Variants in AOPEP observed in about 807,000 individuals in gnomAD.
AOPEP encodes aminopeptidase O (putative).
In AOPEP, 77 loss-of-function variants were observed where a neutral mutation model predicts 98.1. The observed-to-expected ratio is 0.78, with a 90% CI of 0.65 to 0.95. The LOEUF (loss-of-function observed/expected upper bound fraction) is 0.95. Among genes scored for constraint, AOPEP ranks in the 40% least tolerant of loss-of-function variants. The pLI is 0.00. For synonymous variants in AOPEP, 346 were observed against 365.3 expected (o/e 0.95, Z 0.60); for missense variants, 1,024 against 1,024.7 (o/e 1.00, Z 0.01).
chr9:95,025,149 A>T (rs1255962127), intron 13 of AOPEP, among the ~76,000 whole-genome samples: 2 of 152,208 alleles, frequency 1.3e-5, no homozygotes, highest in Non-Finnish European at 2.9e-5. Flanking sequence ...AAGATGGTCT[A>T]CAGTGCTCAC....
intron 3 of AOPEP, among the ~76,000 whole-genome samples, chr9:94,783,660 A>G (rs1843767883): frequency 6.6e-6 from 1 of 152,142 alleles, no homozygotes; most frequent in African/African-American, 2.4e-5. Flanking sequence ...CCTTTTCGTG[A>G]ATGTATTATA....
At chr9:95,016,237 C>G (rs1331847792) in intron 13 of AOPEP, among the ~76,000 whole-genome samples, 1 of 138,116 alleles carries the variant, frequency 7.2e-6, no homozygotes, top group Non-Finnish European at 1.5e-5. Context: ...AAGTTTCCTT[C>G]TCTTGTGATT....
At chr9:94,852,752 CATT>C (rs1320427068) in intron 5 of AOPEP, among the ~76,000 whole-genome samples, 2 of 152,190 alleles carry the variant, frequency 1.3e-5, no homozygotes, top group South Asian at 2.1e-4. Context: ...TCGTGTGAAT[CATT>C]ATTGTTGTAG....
chr9:94,822,009 A>ACACACACG (rs1554726861), intron 5 of AOPEP, among the ~76,000 whole-genome samples: 637 of 149,864 alleles, frequency 4.3e-3, no homozygotes, highest in African/African-American at 4.5e-3. Context: ...ACACACACAC[A>ACACACACG]CACGCAGGCA....
At chr9:94,800,297 T>G (rs150507866) in intron 4 of AOPEP, among the ~76,000 whole-genome samples, 1 of 152,354 alleles carries the variant, frequency 6.6e-6, no homozygotes, top group African/African-American at 2.4e-5. Context: ...AGTCCAAGTC[T>G]TTTATTCTAG....
the AOPEP span, chr9:95,111,415 G>GC: frequency 1.9e-6 from 3 of 1,599,748 alleles, no homozygotes; most frequent in Non-Finnish European, 1.7e-6. Flanking sequence ...GCTCCTCTCA[G>GC]CCCCCCAGAG....
At chr9:94,817,448 T>C (rs1295915374) in intron 5 of AOPEP, among the ~76,000 whole-genome samples, 2 of 152,318 alleles carry the variant, frequency 1.3e-5, no homozygotes, top group East Asian at 3.9e-4. Context: ...GTGCTTACAA[T>C]TGGCCAGCTC....
the AOPEP span, chr9:95,111,366 T>C: frequency 6.3e-7 from 1 of 1,597,690 alleles, no homozygotes; most frequent in Admixed American, 1.7e-5. Context: ...AGCTCAGGTG[T>C]CATGGAAGCC....
rs1401277079 is a variant in AOPEP at position 94,956,024 on chromosome 9, T to G, written c.1872+9T>G. The G allele has an allele frequency of 6.5e-7, 1 of 1,531,386 alleles. No individual in the cohort carries two copies. The highest frequency in any genetic ancestry group is 1.7e-4 in the Middle Eastern group (1 of 5,924). 94.9% of individuals were successfully genotyped at this position (1,531,386 alleles called of 1,614,324 possible). A position where few individuals can be genotyped will look rare whatever the true frequency, so the allele number is the denominator to read the frequency against. ...AGCTGATTCTTTCCCAGGTAACTTATGGGTCCTCATGAGTCCATGATGTAT... is the reference window on the plus strand; with the variant it reads ...AGCTGATTCTTTCCCAGGTAACTTAGGGGTCCTCATGAGTCCATGATGTAT... On this transcript the variant is annotated intron_variant, in intron 9 of 16. Transcript: ENST00000375315.
the AOPEP span, among the ~76,000 whole-genome samples, chr9:95,138,281 C>T: frequency 6.6e-6 from 1 of 152,212 alleles, no homozygotes; most frequent in African/African-American, 2.4e-5. Context: ...GGCCTGGGCT[C>T]AGCAGAACAG....
chr9:95,034,522 G>A (rs2064605097), intron 13 of AOPEP, among the ~76,000 whole-genome samples: 1 of 152,194 alleles, frequency 6.6e-6, no homozygotes, highest in African/African-American at 2.4e-5. Context: ...ATGACATGAG[G>A]GCTGAGGTTG....
Position 94,930,478 on chromosome 9 carries a change from C to T in AOPEP, c.1661+1947C>T, listed in dbSNP as rs16911841. Among the ~76,000 whole-genome samples, 1,302 of 152,200 alleles carry T rather than the reference C, an allele frequency of 8.6e-3. 19 individuals are homozygous for T. Among genetic ancestry groups the T allele is most frequent in the African/African-American group, 0.03 (1,238 of 41,514 alleles). On this transcript the variant is annotated intron_variant, in intron 7 of 16. Coordinates refer to ENST00000375315, the MANE Select transcript of AOPEP (RefSeq NM_001193329.3). This position sits in a 1 kb window ranked among gnomAD's most constrained non-coding sequence, Gnocchi z 4.5. ...ACAATTCAGGAGCTCACTGGAGAGA[C>T]TGGAACATTCAGCCTATAAAACCCT...
chr9:95,004,950 C>T (rs2061850280), intron 11 of AOPEP: 2 of 146,040 alleles, frequency 1.4e-5, no homozygotes, highest in Non-Finnish European at 3.0e-5. Flanking sequence ...CCGCCCGCGC[C>T]GCCGCCCAGG....
chr9:94,928,063 C>T (rs1218348015), intron 6 of AOPEP, among the ~76,000 whole-genome samples: 1 of 152,108 alleles, frequency 6.6e-6, no homozygotes, highest in East Asian at 1.9e-4. Flanking sequence ...TGGGGCCTTC[C>T]CCATCCTGTG....
chr9:94,916,793 C>T (rs560798697), intron 5 of AOPEP, among the ~76,000 whole-genome samples: 4 of 151,794 alleles, frequency 2.6e-5, no homozygotes, highest in African/African-American at 9.7e-5. Context: ...TGGGTGTGTC[C>T]CCTGACAACC....
intron 5 of AOPEP, among the ~76,000 whole-genome samples, chr9:94,913,388 A>T (rs1446172775): frequency 6.6e-6 from 1 of 152,186 alleles, no homozygotes; most frequent in Non-Finnish European, 1.5e-5. Flanking sequence ...ACCTCTGAGG[A>T]TGACCATCTG....
chr9:95,078,474 G>A (rs1401502047), intron 14 of AOPEP, among the ~76,000 whole-genome samples: 1 of 152,238 alleles, frequency 6.6e-6, no homozygotes, highest in Non-Finnish European at 1.5e-5. Flanking sequence ...TCAGACAAGC[G>A]TTGGTTGTTA....
chr9:94,841,169 A>AT (rs67614379), intron 5 of AOPEP, among the ~76,000 whole-genome samples: 3,696 of 133,798 alleles, frequency 0.028, 88 homozygotes, highest in African/African-American at 0.04. Context: ...GCTCCACACA[A>AT]TTTTTTTTTT....
At chr9:95,079,263 G>A (rs992793591) in intron 14 of AOPEP, among the ~76,000 whole-genome samples, 1 of 152,246 alleles carries the variant, frequency 6.6e-6, no homozygotes, top group Non-Finnish European at 1.5e-5. Context: ...ATTTAGAGTA[G>A]ATTAAAGGAG....
Sources: gnomAD v4.1 joint callset for allele counts (sites outside exome capture counted in the v4.1 genomes callset) on GRCh38, gnomAD v4.1.1 for gene constraint, Gnocchi (gnomAD v3.1) non-coding constraint, MANE v1.5 for transcripts, NCBI Gene and HGNC (gene_info 2026-07-23, HGNC 2026-07-21) for gene names.